Variants in CNTN4 observed in about 807,000 individuals in gnomAD.
The protein encoded by CNTN4 is contactin-4.
Under a neutral mutation model 122.5 loss-of-function variants are expected in CNTN4, and 77 were observed. The ratio of observed to expected loss-of-function variants is 0.63; its 90% confidence interval spans 0.52 to 0.76. CNTN4 has a LOEUF of 0.76. Ranked by LOEUF, CNTN4 falls within the 30% of genes least tolerant of loss-of-function variation. The pLI is 0.00. For synonymous variants in CNTN4, 512 were observed against 447.0 expected (o/e 1.15, Z -1.83); for missense variants, 1,256 against 1,259.1 (o/e 1.00, Z 0.04).
intron 12 of CNTN4, among the ~76,000 whole-genome samples, chr3:2,904,679 G>A (rs1318016319): frequency 6.6e-6 from 1 of 152,158 alleles, no homozygotes; most frequent in Non-Finnish European, 1.5e-5. Flanking sequence ...CTAACTATTG[G>A]TACTTGGAAC....
At chr3:2,356,414 G>T (rs191082705) in intron 3 of CNTN4, among the ~76,000 whole-genome samples, 1 of 152,076 alleles carries the variant, frequency 6.6e-6, no homozygotes, top group Non-Finnish European at 1.5e-5. Context: ...TTTTTAGACC[G>T]TATAGGGTAA....
chr3:2,664,890 T>C (rs1194582506), intron 4 of CNTN4, among the ~76,000 whole-genome samples: 2 of 152,198 alleles, frequency 1.3e-5, no homozygotes, highest in East Asian at 3.8e-4. Flanking sequence ...TTCCACGACA[T>C]TTGATTTGTA....
chr3:2,643,210 G>A (rs2082972655), intron 4 of CNTN4, among the ~76,000 whole-genome samples: 1 of 152,124 alleles, frequency 6.6e-6, no homozygotes, highest in South Asian at 2.1e-4. Flanking sequence ...GTCTCTCTCT[G>A]TCTCCCAAAC....
At chr3:2,201,893 G>A (rs111939574) in intron 2 of CNTN4, among the ~76,000 whole-genome samples, 3,192 of 151,978 alleles carry the variant, frequency 0.021, 37 homozygotes, top group Middle Eastern at 0.051. Context: ...GCATGATTTG[G>A]TTCATTTAAA....
At chr3:2,774,545 A>G (rs1387603578) in intron 6 of CNTN4, among the ~76,000 whole-genome samples, 1 of 152,100 alleles carries the variant, frequency 6.6e-6, no homozygotes, top group Non-Finnish European at 1.5e-5. Flanking sequence ...TCTTCACTCC[A>G]TTAGCTCCTG....
chr3:2,983,605 C>G (rs1248722141), intron 13 of CNTN4, among the ~76,000 whole-genome samples: 1 of 152,196 alleles, frequency 6.6e-6, no homozygotes, highest in Non-Finnish European at 1.5e-5. Context: ...CACATCTTAA[C>G]AACAACTCTA....
intron 17 of CNTN4, among the ~76,000 whole-genome samples, chr3:3,035,308 A>T (rs1170310883): frequency 6.6e-6 from 1 of 151,182 alleles, no homozygotes; most frequent in Non-Finnish European, 1.5e-5. Flanking sequence ...TCCGTCTCAA[A>T]AAAAAAAAAA....
At chr3:2,457,581 G>A (rs570454947) in intron 3 of CNTN4, among the ~76,000 whole-genome samples, 9 of 152,182 alleles carry the variant, frequency 5.9e-5, no homozygotes, top group South Asian at 4.1e-4. Flanking sequence ...ATGGTTGGGC[G>A]CAGATTCCCA....
intron 2 of CNTN4, among the ~76,000 whole-genome samples, chr3:2,285,597 C>T (rs1369899113): frequency 1.3e-5 from 2 of 152,000 alleles, no homozygotes; most frequent in Non-Finnish European, 2.9e-5. Flanking sequence ...TAAAAAATAT[C>T]GTTTCTTCTC....
chr3:2,719,314 T>A (rs997103087), intron 4 of CNTN4, among the ~76,000 whole-genome samples: 3 of 150,470 alleles, frequency 2.0e-5, no homozygotes, highest in African/African-American at 7.4e-5. Flanking sequence ...TTTTTTTTTT[T>A]AGACAGAGTC....
At chr3:2,911,081 G>A (rs750984633) in intron 12 of CNTN4, among the ~76,000 whole-genome samples, 3 of 152,130 alleles carry the variant, frequency 2.0e-5, no homozygotes, top group Non-Finnish European at 2.9e-5. Flanking sequence ...AGAGTGGAAG[G>A]TATATCCAGT....
chr3:2,514,937 C>G (rs992439105), intron 3 of CNTN4, among the ~76,000 whole-genome samples: 7 of 151,428 alleles, frequency 4.6e-5, no homozygotes, highest in African/African-American at 1.7e-4. Flanking sequence ...TCTGCTACCC[C>G]CTCCCTCTCT....
intron 3 of CNTN4, among the ~76,000 whole-genome samples, chr3:2,425,814 A>G (rs1054568598): frequency 6.6e-6 from 1 of 152,080 alleles, no homozygotes; most frequent in African/African-American, 2.4e-5. Context: ...TAGGTATTTT[A>G]TTCTCTTTGA....
intron 3 of CNTN4, among the ~76,000 whole-genome samples, chr3:2,398,568 G>T (rs1448929967): frequency 6.6e-6 from 1 of 152,126 alleles, no homozygotes; most frequent in Non-Finnish European, 1.5e-5. Context: ...ACTATGGACA[G>T]GTTTAGTCAA....
chr3:2,952,789 C>T (rs1413110379), intron 13 of CNTN4, among the ~76,000 whole-genome samples: 1 of 152,172 alleles, frequency 6.6e-6, no homozygotes, highest in Non-Finnish European at 1.5e-5. Flanking sequence ...CATCAAATCT[C>T]TAGTATTCTA....
intron 3 of CNTN4, among the ~76,000 whole-genome samples, chr3:2,494,662 C>G (rs960352232): frequency 6.6e-6 from 1 of 152,170 alleles, no homozygotes; most frequent in Non-Finnish European, 1.5e-5. Context: ...CTTTTCCCCA[C>G]AAGAAACAGC....
chr3:2,839,130 T>C (rs1048793176), intron 7 of CNTN4, among the ~76,000 whole-genome samples: 2 of 152,250 alleles, frequency 1.3e-5, no homozygotes, highest in Admixed American at 6.5e-5. Context: ...ATAGTCCTAA[T>C]TGTTATGTCA....
At chr3:2,604,566 TAAGAA>T (rs1314703158) in intron 4 of CNTN4, among the ~76,000 whole-genome samples, 4 of 152,044 alleles carry the variant, frequency 2.6e-5, no homozygotes, top group Non-Finnish European at 5.9e-5. Flanking sequence ...AAGGAAAACT[TAAGAA>T]AAGGGGGGAA....
Position 2,864,740 on chromosome 3 carries a change from C to CAAAAAAAA in CNTN4, c.455-2004_455-1997dup, listed in dbSNP as rs56398439. Reference sequence around the variant, plus strand: ...GGCAACAAAAAGCAAAACTCCATCTCAAAAAAAAAAAAAAAGTTTCCGGTA... The same window carrying CAAAAAAAA: ...GGCAACAAAAAGCAAAACTCCATCTCAAAAAAAAAAAAAAAAAAAAAAAGTTTCCGGTA... On this transcript the variant is annotated intron_variant, in intron 7 of 24. Transcript: ENST00000418658. 3.7e-4 allele frequency among the ~76,000 whole-genome samples: 20 copies of CAAAAAAAA among 54,706 alleles called. 1 individual carries two copies. The highest frequency in any genetic ancestry group is 9.6e-4 in the South Asian group (1 of 1,042). The allele number at this position is 54,706 out of a possible 152,430, so 35.9% of individuals were successfully genotyped here. A position where few individuals can be genotyped will look rare whatever the true frequency, so the allele number is the denominator to read the frequency against.
Sources: gnomAD v4.1 joint callset for allele counts (sites outside exome capture counted in the v4.1 genomes callset) on GRCh38, gnomAD v4.1.1 for gene constraint, MANE v1.5 for transcripts, NCBI Gene and HGNC (gene_info 2026-07-23, HGNC 2026-07-21) for gene names.